Variants in TMPRSS11A observed in about 807,000 individuals in gnomAD.
TMPRSS11A encodes transmembrane protease serine 11A.
A neutral mutation model predicts 58.9 loss-of-function variants in TMPRSS11A; 53 were observed. The ratio of observed to expected loss-of-function variants is 0.90; its 90% CI spans 0.72 to 1.13. The LOEUF is 1.13. Ranked by LOEUF, TMPRSS11A falls within the 50% of genes most tolerant of loss-of-function variation. The probability of loss-of-function intolerance (pLI) is 0.00; values close to 1 mark genes in which losing one functional copy is unlikely to be tolerated. For missense variants in TMPRSS11A, 493 were observed against 499.3 expected (o/e 0.99, Z 0.12); for synonymous variants, 167 against 169.8 (o/e 0.98, Z 0.13).
chr4:67,938,103 TA>T (rs1720796050), intron 3 of TMPRSS11A, among the ~76,000 whole-genome samples: 1 of 152,196 alleles, frequency 6.6e-6, no homozygotes, highest in African/African-American at 2.4e-5. Flanking sequence ...TTGTAACTGG[TA>T]TGAGATATTA....
At chr4:67,957,438 C>G (rs1429266456) in intron 1 of TMPRSS11A, among the ~76,000 whole-genome samples, 1 of 152,140 alleles carries the variant, frequency 6.6e-6, no homozygotes, top group Non-Finnish European at 1.5e-5. Context: ...GGAACCAGAG[C>G]AAAAGTGACG....
In TMPRSS11A at chr4:67,909,874, A is replaced by G. The variant is rs1719922138; in HGVS notation, c.*1468T>C. On this transcript the variant is annotated 3_prime_UTR_variant, in exon 10 of 10. Transcript: ENST00000508048. ...CTCAGCTTTAAAATTCTATGAGTCT[A>G]AATTATGAATCAAGTGTTTTATGAG... 1 of 152,112 alleles carries G rather than the reference A, an allele frequency of 6.6e-6. No individual in the cohort carries two copies. The highest frequency in any genetic ancestry group is 2.4e-5 in the African/African-American group (1 of 41,448). The allele number at this position is 152,112 out of a possible 1,614,324, so 9.4% of individuals were successfully genotyped here. A position where few individuals can be genotyped will look rare whatever the true frequency, so the allele number is the denominator to read the frequency against.
chr4:67,930,829 T>TTTTTTTCAA (rs1265700805), intron 4 of TMPRSS11A, among the ~76,000 whole-genome samples: 3 of 90,152 alleles, frequency 3.3e-5, no homozygotes, highest in African/African-American at 4.7e-5. Context: ...TTTTTTTTTT[T>TTTTTTTCAA]ACAAAAAAAA....
intron 1 of TMPRSS11A, among the ~76,000 whole-genome samples, chr4:67,958,197 G>A (rs1175449836): frequency 1.3e-5 from 2 of 152,224 alleles, no homozygotes; most frequent in African/African-American, 4.8e-5. Context: ...CTACTGGGGT[G>A]CTGCCTAATG....
chr4:67,936,442 CCTT>C (rs1720756151), intron 3 of TMPRSS11A, among the ~76,000 whole-genome samples: 1 of 150,818 alleles, frequency 6.6e-6, no homozygotes, highest in African/African-American at 2.4e-5. Context: ...GGCTTTTTGG[CCTT>C]CTTGGGGTCA....
rs1322114671 is a variant in TMPRSS11A at position 67,911,029 on chromosome 4, T to TA, written c.*312dup. 5 of 199,652 alleles carry TA rather than the reference T, an allele frequency of 2.5e-5. No homozygotes were observed. The highest frequency in any genetic ancestry group is 1.2e-4 in the African/African-American group (5 of 43,454). The allele number at this position is 199,652 out of a possible 1,614,324, so 12.4% of individuals were successfully genotyped here. A position where few individuals can be genotyped will look rare whatever the true frequency, so the allele number is the denominator to read the frequency against. ...AAGGAGACCCTTGACAACGACATTC[T>TA]AAAAATCCCATGGACTATCTTCAAA... is the stretch of plus-strand genomic sequence containing the variant. On this transcript the variant is annotated 3_prime_UTR_variant, in exon 10 of 10. Transcript: ENST00000508048.
rs200536398 is a variant in TMPRSS11A at position 67,922,827 on chromosome 4, T to C, written c.620A>G (p.Asp207Gly). The C allele has an allele frequency of 6.8e-6, 11 of 1,614,072 alleles. No homozygotes were observed. Among genetic ancestry groups the C allele is most frequent in the Non-Finnish European group, 9.3e-6 (11 of 1,180,036 alleles). The change falls in exon 7 of 10, where the codon GAT becomes GGT. Residue 207 changes from aspartate to glycine, a missense_variant. By Grantham distance (94) the Asp-to-Gly change is moderately conservative. Transcript: ENST00000508048. ...GGTGGCCCCACACTGATGGATGTTA[T>C]CATACTGAAGGGAAGCTTGCCAAGG... ...AWPWQASLQY[D>G]NIHQCGATLI...
intron 1 of TMPRSS11A, among the ~76,000 whole-genome samples, chr4:67,951,707 A>C (rs567131417): frequency 2.6e-5 from 4 of 152,146 alleles, no homozygotes; most frequent in Non-Finnish European, 4.4e-5. Flanking sequence ...CTTCATAAAG[A>C]AGTCCAAAAT....
chr4:67,922,756 T>C lies in TMPRSS11A; in HGVS notation c.691A>G (p.Lys231Glu). ...WLVTAAHCFQ[K>E]YKNPHQWTVS... Reference sequence around the variant, plus strand: ...TCTAACTTAAGGTCAATAACTTACTTCTGGAAGCAGTGTGCTGCAGTGACA... The same window carrying C: ...TCTAACTTAAGGTCAATAACTTACTCCTGGAAGCAGTGTGCTGCAGTGACA... Residue 231 changes from lysine to glutamate, a missense_variant and splice_region_variant, in exon 7 of 10, where the codon AAG becomes GAG. Lys to Glu is a moderately conservative substitution (Grantham distance 56). Coordinates refer to ENST00000508048, the MANE Select transcript of TMPRSS11A (RefSeq NM_001114387.2). 6.2e-7 allele frequency: 1 copy of C among 1,613,494 alleles called. No individual in the cohort carries two copies. The highest frequency in any genetic ancestry group is 1.7e-5 in the Admixed American group (1 of 59,990).
At position 67,910,433 on chromosome 4, in the gene TMPRSS11A, G is replaced by A. The variant is rs1032846834; in HGVS notation, c.*909C>T. On this transcript the variant is annotated 3_prime_UTR_variant, in exon 10 of 10. Transcript: ENST00000508048. ...ACATAATGTTCTTTGATTTTTCAAG[G>A]TATTAGTAAATGCTTATTTTTTTCA... 6.6e-6 allele frequency: 1 copy of A among 152,062 alleles called. No individual in the cohort carries two copies. The highest frequency in any genetic ancestry group is 1.5e-5 in the Non-Finnish European group (1 of 67,902). The allele number at this position is 152,062 out of a possible 1,614,324, so 9.4% of individuals were successfully genotyped here. A position where few individuals can be genotyped will look rare whatever the true frequency, so the allele number is the denominator to read the frequency against.
intron 8 of TMPRSS11A, among the ~76,000 whole-genome samples, chr4:67,918,260 G>A (rs538599677): frequency 7.9e-5 from 12 of 152,142 alleles, no homozygotes; most frequent in African/African-American, 2.9e-4. Flanking sequence ...AATCCAGAGC[G>A]TGTCTCACTA....
rs375193866 is a variant in TMPRSS11A at position 67,941,192 on chromosome 4, G to A, written c.252+3327C>T. Among the ~76,000 whole-genome samples, 12 of 152,292 alleles carry A rather than the reference G, an allele frequency of 7.9e-5. 1 individual carries two copies. The highest frequency in any genetic ancestry group is 5.8e-4 in the East Asian group (3 of 5,178). On this transcript the variant is annotated intron_variant, in intron 3 of 9. Coordinates refer to ENST00000508048, the MANE Select transcript of TMPRSS11A (RefSeq NM_001114387.2). The stretch of plus-strand genomic sequence containing the variant: ...AGCCCAATGTGAGGAAGAACAGGAC[G>A]TGCAACCTGTCTTCCTTGGTTGTCT...
Position 67,929,960 on chromosome 4 carries a change from TTC to T in TMPRSS11A, c.399_400del (p.Lys134GlufsTer26). The T allele has an allele frequency of 1.2e-6, 2 of 1,613,932 alleles. No individual in the cohort carries two copies. Among genetic ancestry groups the T allele is most frequent in the African/African-American group, 2.7e-5 (2 of 75,054 alleles). ...CTGATTTAAGATGCTTTGGATTTTC[TTC>T]TCTCTTACTGCCCTTTGTTCAGTAG... On this transcript the variant is annotated frameshift_variant, in exon 5 of 10. Coordinates refer to ENST00000508048, the MANE Select transcript of TMPRSS11A (RefSeq NM_001114387.2). LOFTEE classifies it high-confidence loss of function.
chr4:67,921,574 G>T (rs553574973), intron 7 of TMPRSS11A, among the ~76,000 whole-genome samples: 2 of 152,190 alleles, frequency 1.3e-5, no homozygotes, highest in South Asian at 4.2e-4. Flanking sequence ...CTCCCAAAAT[G>T]CTGGGATTAC....
intron 3 of TMPRSS11A, among the ~76,000 whole-genome samples, chr4:67,942,350 A>G (rs142140370): frequency 6.6e-6 from 1 of 152,250 alleles, no homozygotes; most frequent in Non-Finnish European, 1.5e-5. Flanking sequence ...GTTCTCATGA[A>G]AGTCATTAGT....
intron 5 of TMPRSS11A, among the ~76,000 whole-genome samples, chr4:67,927,666 G>A (rs528431114): frequency 6.6e-6 from 1 of 152,318 alleles, no homozygotes; most frequent in African/African-American, 2.4e-5. Flanking sequence ...ACCAACCACT[G>A]GCCACAGAGG....
chr4:67,920,544 TA>T (rs1335517904), intron 7 of TMPRSS11A, among the ~76,000 whole-genome samples: 38 of 83,948 alleles, frequency 4.5e-4, no homozygotes, highest in African/African-American at 1.7e-3. Flanking sequence ...TATATATATA[TA>T]TATATTTTTT....
At chr4:67,917,870 A>C (rs1472620261) in intron 8 of TMPRSS11A, among the ~76,000 whole-genome samples, 1 of 152,240 alleles carries the variant, frequency 6.6e-6, no homozygotes, top group Non-Finnish European at 1.5e-5. Context: ...GGGAGGTGTC[A>C]GGCTTACAGC....
At chr4:67,920,550 T>TATATATATATATATATATATATATATA (rs374550125) in intron 7 of TMPRSS11A, among the ~76,000 whole-genome samples, 7 of 58,544 alleles carry the variant, frequency 1.2e-4, no homozygotes, top group Non-Finnish European at 1.5e-4. Context: ...TATATATATA[T>TATATATATATATATATATATATATATA]TTTTTTTTAT....
Sources: allele counts gnomAD v4.1 joint callset (sites outside exome capture counted in the v4.1 genomes callset), GRCh38; gene constraint gnomAD v4.1.1; transcripts MANE v1.5; gene names NCBI Gene and HGNC (gene_info 2026-07-23, HGNC 2026-07-21).